LSAMP: variants seen among roughly 807,000 people sequenced by gnomAD.
LSAMP encodes limbic system-associated membrane protein.
Under a neutral mutation model 38.6 loss-of-function variants are expected in LSAMP, and 7 were observed. That is an observed-to-expected ratio of 0.18 (90% CI 0.10 to 0.34). The LOEUF (loss-of-function observed/expected upper bound fraction) is 0.34. Ranked by LOEUF, LSAMP falls within the 10% of genes least tolerant of loss-of-function variation. LSAMP has a pLI of 1.00. For synonymous variants in LSAMP, 154 were observed against 166.8 expected (o/e 0.92, Z 0.59); for missense variants, 313 against 420.0 (o/e 0.75, Z 2.23).
chr3:116,254,454 A>G (rs1290301242), intron 1 of LSAMP, among the ~76,000 whole-genome samples: 5 of 152,128 alleles, frequency 3.3e-5, no homozygotes, highest in Admixed American at 6.6e-5. Context: ...GGAAAGGAAG[A>G]AGGGAGAAGG....
At chr3:115,947,010 A>G (rs1167573433) in intron 3 of LSAMP, among the ~76,000 whole-genome samples, 2 of 152,010 alleles carry the variant, frequency 1.3e-5, no homozygotes, top group African/African-American at 2.4e-5. Context: ...TGAAAAAAAA[A>G]TGTAATTCAC....
chr3:116,011,013 C>CTTTTTTTTTTTTTTTTTT (rs1169726977), intron 3 of LSAMP, among the ~76,000 whole-genome samples: 2 of 150,584 alleles, frequency 1.3e-5, no homozygotes, highest in African/African-American at 5.0e-5. Flanking sequence ...ATAGTTTATG[C>CTTTTTTTTTTTTTTTTTT]TTTTTTTTGA....
rs2864077 is a variant in LSAMP, at chr3:116,202,167, G to A, written c.156-115611C>T. Reference sequence around the variant, plus strand: ...TCTTTTTTTTTTTAGGCAGAGTCTCGCTCTGTTGCCCAGGCTGGAGTGTTG... The same window carrying A: ...TCTTTTTTTTTTTAGGCAGAGTCTCACTCTGTTGCCCAGGCTGGAGTGTTG... On this transcript the variant is annotated intron_variant, in intron 1 of 6. Coordinates refer to ENST00000490035, the MANE Select transcript of LSAMP (RefSeq NM_002338.5). Among the ~76,000 whole-genome samples the A allele has an allele frequency of 6.8e-5, 10 of 147,652 alleles. No individual in the cohort carries two copies. In the South Asian group the frequency reaches 1.1e-3, roughly 16 times the overall value.
intron 6 of LSAMP, among the ~76,000 whole-genome samples, chr3:115,815,767 G>A (rs1933997294): frequency 1.3e-5 from 2 of 152,250 alleles, no homozygotes; most frequent in Non-Finnish European, 2.9e-5. Flanking sequence ...GGCTGAAAGG[G>A]ACAATATTTT....
intron 1 of LSAMP, among the ~76,000 whole-genome samples, chr3:116,103,026 A>C (rs931918686): frequency 2.6e-5 from 4 of 152,154 alleles, no homozygotes; most frequent in Non-Finnish European, 4.4e-5. Context: ...AACTTTACTA[A>C]AGGAAGTTGC....
intron 6 of LSAMP, among the ~76,000 whole-genome samples, chr3:115,840,355 C>T (rs1365447465): frequency 6.6e-6 from 1 of 152,046 alleles, no homozygotes; most frequent in African/African-American, 2.4e-5. Flanking sequence ...CCCCGCACCC[C>T]CCCTCTCCCG....
At chr3:115,908,537 C>T (rs1026585850) in intron 3 of LSAMP, among the ~76,000 whole-genome samples, 2 of 152,080 alleles carry the variant, frequency 1.3e-5, no homozygotes, top group Non-Finnish European at 2.9e-5. Context: ...CCTCCAAAAG[C>T]CTGATTCTGA....
intron 1 of LSAMP, among the ~76,000 whole-genome samples, chr3:116,341,907 C>A (rs915530439): frequency 6.6e-6 from 1 of 151,948 alleles, no homozygotes; most frequent in Non-Finnish European, 1.5e-5. Flanking sequence ...GTTAAAGGAG[C>A]TGAACATGTA....
chr3:116,082,649 A>G (rs1707896637), intron 2 of LSAMP, among the ~76,000 whole-genome samples: 2 of 152,198 alleles, frequency 1.3e-5, no homozygotes, highest in South Asian at 2.1e-4. Flanking sequence ...GTGCCTATCA[A>G]TGACAGACTG....
chr3:116,099,504 A>G (rs1708297143), intron 1 of LSAMP, among the ~76,000 whole-genome samples: 4 of 152,198 alleles, frequency 2.6e-5, no homozygotes, highest in Admixed American at 2.6e-4. Flanking sequence ...AAATCTTAAT[A>G]TTCTGCAGGA....
chr3:116,422,562 A>G (rs1386782848), intron 1 of LSAMP, among the ~76,000 whole-genome samples: 1 of 152,168 alleles, frequency 6.6e-6, no homozygotes, highest in East Asian at 1.9e-4. Flanking sequence ...ACAGAAAGTA[A>G]GTTGGAGGTT....
intron 1 of LSAMP, among the ~76,000 whole-genome samples, chr3:116,309,730 A>G (rs9681470): frequency 0.99 from 150,270 of 152,262 alleles, 74,197 homozygotes; most frequent in Middle Eastern, 1. Context: ...AGAACATTAT[A>G]ATTAGAGGTT....
At position 115,805,365 on chromosome 3, in the gene LSAMP, TCA is replaced by T. The variant is rs1553732283; in HGVS notation, c.*4950_*4951del. The T allele has an allele frequency of 6.6e-6, 1 of 152,206 alleles. No individual in the cohort carries two copies. Among genetic ancestry groups the T allele is most frequent in the East Asian group, 1.9e-4 (1 of 5,204 alleles). 9.4% of individuals were successfully genotyped at this position (152,206 alleles called of 1,614,324 possible). On this transcript the variant is annotated 3_prime_UTR_variant, in exon 7 of 7. Transcript: ENST00000490035. The stretch of plus-strand genomic sequence containing the variant: ...TTCCGATTCTGAACTGTGAAACGTT[TCA>T]GTTTTTATTTATTTTTATTTGATTT...
At chr3:115,957,207 C>T (rs915728132) in intron 3 of LSAMP, among the ~76,000 whole-genome samples, 3 of 152,244 alleles carry the variant, frequency 2.0e-5, no homozygotes, top group African/African-American at 7.2e-5. Flanking sequence ...CCATAGAGGT[C>T]AAAACTTACA....
At chr3:115,976,897 T>A (rs1939205065) in intron 3 of LSAMP, among the ~76,000 whole-genome samples, 1 of 152,112 alleles carries the variant, frequency 6.6e-6, no homozygotes, top group South Asian at 2.1e-4. Flanking sequence ...ATTAAAAACT[T>A]ATTTTCTTTA....
intron 1 of LSAMP, among the ~76,000 whole-genome samples, chr3:116,310,496 C>T (rs1432950912): frequency 1.3e-5 from 2 of 152,174 alleles, no homozygotes; most frequent in Non-Finnish European, 2.9e-5. Flanking sequence ...CCTTTACCTA[C>T]TCACCAGCTG....
intron 2 of LSAMP, among the ~76,000 whole-genome samples, chr3:116,032,645 GA>G (rs894733088): frequency 6.6e-5 from 10 of 151,624 alleles, no homozygotes; most frequent in Non-Finnish European, 1.3e-4. Context: ...AAAATTTATG[GA>G]AAAAAAATTA....
chr3:116,318,780 T>G (rs921004463), intron 1 of LSAMP, among the ~76,000 whole-genome samples: 1 of 152,150 alleles, frequency 6.6e-6, no homozygotes, highest in Non-Finnish European at 1.5e-5. Context: ...AAAGTAGAAG[T>G]TTTTGGATGA....
At chr3:115,837,306 T>TAC (rs1934822128) in intron 6 of LSAMP, among the ~76,000 whole-genome samples, 1 of 148,190 alleles carries the variant, frequency 6.7e-6, no homozygotes, top group Non-Finnish European at 1.5e-5. Context: ...TTTTTTTTTG[T>TAC]ATTTTTATTC....
Sources: allele counts gnomAD v4.1 joint callset (sites outside exome capture counted in the v4.1 genomes callset), GRCh38; gene constraint gnomAD v4.1.1; transcripts MANE v1.5; gene names NCBI Gene and HGNC (gene_info 2026-07-23, HGNC 2026-07-21).